Variants in ADTRP observed in about 807,000 individuals in gnomAD.
ADTRP encodes the protein androgen dependent TFPI regulating protein, also known as androgen-dependent TFPI-regulating protein.
In ADTRP, 20 loss-of-function variants were observed where a neutral mutation model predicts 27.0. The observed-to-expected ratio is 0.74, with a 90% CI of 0.52 to 1.08. The LOEUF is 1.08. ADTRP is among the 50% of genes least tolerant of loss of function. The probability of loss-of-function intolerance (pLI) is 0.00; values close to 1 mark genes in which losing one functional copy is unlikely to be tolerated. For missense variants in ADTRP, 251 were observed against 275.0 expected (o/e 0.91, Z 0.62); for synonymous variants, 101 against 105.2 (o/e 0.96, Z 0.25).
At chr6:11,778,493 G>T in intron 1 of ADTRP, 114 bp downstream of exon 1, 1 of 1,366,150 alleles carries the variant, frequency 7.3e-7, no homozygotes, top group Non-Finnish European at 9.8e-7. Context: ...AAACGGTGAA[G>T]AAGGAAGACA....
intron 4 of ADTRP, among the ~76,000 whole-genome samples, chr6:11,723,828 G>C (rs546059626): frequency 3.3e-4 from 50 of 152,298 alleles, no homozygotes; most frequent in African/African-American, 1.1e-3. Flanking sequence ...GGAGGCTGAG[G>C]GGGGTGGATC....
intron 4 of ADTRP, among the ~76,000 whole-genome samples, chr6:11,733,931 A>G (rs1018259088): frequency 3.9e-5 from 6 of 152,244 alleles, no homozygotes; most frequent in Admixed American, 3.9e-4. Context: ...CAAAAAGGAA[A>G]AGAAAAACAA....
chr6:11,737,246 T>C (rs1007844633), intron 3 of ADTRP, among the ~76,000 whole-genome samples: 3 of 152,112 alleles, frequency 2.0e-5, no homozygotes, highest in Admixed American at 2.0e-4. Context: ...CCAGCTATCA[T>C]TCCTCCTTCA....
At chr6:11,758,684 G>T (rs985385083) in intron 3 of ADTRP, among the ~76,000 whole-genome samples, 8 of 150,998 alleles carry the variant, frequency 5.3e-5, no homozygotes, top group African/African-American at 1.9e-4. Flanking sequence ...TAACCTGCAC[G>T]TTGTGCACAT....
chr6:11,732,322 G>A (rs1407163088), intron 4 of ADTRP, among the ~76,000 whole-genome samples: 4 of 152,156 alleles, frequency 2.6e-5, no homozygotes, highest in African/African-American at 7.2e-5. Context: ...CCTCTGGCCC[G>A]AGCCCATGCT....
At chr6:11,714,936 T>C (rs1761765406) in intron 5 of ADTRP, among the ~76,000 whole-genome samples, 1 of 152,232 alleles carries the variant, frequency 6.6e-6, no homozygotes, top group African/African-American at 2.4e-5. Context: ...GGTCATTCTG[T>C]GACCTCTTAG....
At chr6:11,765,279 G>T (rs538568214) in intron 3 of ADTRP, among the ~76,000 whole-genome samples, 1 of 150,786 alleles carries the variant, frequency 6.6e-6, no homozygotes, top group African/African-American at 2.4e-5. Context: ...GTGAACTTTT[G>T]AGGAGTCTTG....
chr6:11,744,039 G>A (rs1362356752), intron 3 of ADTRP, among the ~76,000 whole-genome samples: 2 of 152,168 alleles, frequency 1.3e-5, no homozygotes, highest in African/African-American at 2.4e-5. Context: ...CCCAGTGGGA[G>A]GTGCTTGGGC....
chr6:11,772,905 T>C (rs1763830534), intron 1 of ADTRP, among the ~76,000 whole-genome samples: 1 of 152,094 alleles, frequency 6.6e-6, no homozygotes, highest in Non-Finnish European at 1.5e-5. Flanking sequence ...TTTGGAATAA[T>C]GAAGAGAAAA....
intron 1 of ADTRP, among the ~76,000 whole-genome samples, chr6:11,776,321 C>T (rs767013402): frequency 6.6e-6 from 1 of 152,142 alleles, no homozygotes; most frequent in Non-Finnish European, 1.5e-5. Context: ...GTCACGTCAA[C>T]GTACCAAGTC....
intron 4 of ADTRP, among the ~76,000 whole-genome samples, chr6:11,731,735 CTTCCTT>C (rs1415794621): frequency 6.6e-6 from 1 of 150,656 alleles, no homozygotes; most frequent in Non-Finnish European, 1.5e-5. Flanking sequence ...GATGCAAACT[CTTCCTT>C]TTCTGTGGCT....
intron 1 of ADTRP, chr6:11,770,160 G>A (rs1763722576): frequency 1.5e-6 from 2 of 1,365,058 alleles, no homozygotes; most frequent in Admixed American, 4.0e-5. Flanking sequence ...GAGGTCAGAA[G>A]AGAGACAATT....
At chr6:11,764,799 A>G (rs1183528201) in intron 3 of ADTRP, among the ~76,000 whole-genome samples, 1 of 151,868 alleles carries the variant, frequency 6.6e-6, no homozygotes, top group African/African-American at 2.4e-5. Flanking sequence ...CATTTGTAAA[A>G]ATCAGGATTA....
intron 3 of ADTRP, among the ~76,000 whole-genome samples, chr6:11,752,564 T>C (rs1347930519): frequency 6.6e-6 from 1 of 152,210 alleles, no homozygotes; most frequent in Non-Finnish European, 1.5e-5. Context: ...GGGTGATTCA[T>C]GGGAGCTCAC....
Position 11,735,588 on chromosome 6 carries a change from G to C in ADTRP, c.486C>G (p.Ala162=). 5 of 1,613,602 alleles carry C rather than the reference G, an allele frequency of 3.1e-6. No homozygotes were observed. The highest frequency in any genetic ancestry group is 4.2e-6 in the Non-Finnish European group (5 of 1,179,582). ...CTTACCGGCTGATGTAAGCAATGCTGGCAGCAGCCAGCAAGGTGAGTCCTG... is the reference window on the plus strand; with the variant it reads ...CTTACCGGCTGATGTAAGCAATGCTCGCAGCAGCCAGCAAGGTGAGTCCTG... The part of the protein sequence containing the change: ...KKTGLTLLAA[A]SIAYISRILW... Residue 162 remains alanine, a synonymous_variant, in exon 4 of 6, where the codon GCC becomes GCG. Transcript: ENST00000414691.
At chr6:11,771,758 G>A (rs569416297) in intron 1 of ADTRP, among the ~76,000 whole-genome samples, 1 of 152,266 alleles carries the variant, frequency 6.6e-6, no homozygotes, top group African/African-American at 2.4e-5. Flanking sequence ...AGGTCACGAT[G>A]GTGCACCCTA....
At chr6:11,733,329 C>T (rs1762445998) in intron 4 of ADTRP, among the ~76,000 whole-genome samples, 2 of 152,232 alleles carry the variant, frequency 1.3e-5, no homozygotes, top group South Asian at 4.1e-4. Flanking sequence ...CACTTTTCTA[C>T]AGAAAAGCAC....
chr6:11,734,994 A>G (rs1045959797), intron 4 of ADTRP, among the ~76,000 whole-genome samples: 2 of 150,908 alleles, frequency 1.3e-5, no homozygotes, highest in Non-Finnish European at 1.5e-5. Context: ...ATTATAGACT[A>G]TTGGGCAGCG....
chr6:11,766,257 A>G lies in ADTRP; in HGVS notation c.390+17T>C, dbSNP rs753098325. 3.8e-6 allele frequency: 6 copies of G among 1,586,016 alleles called. No homozygotes were observed. In the East Asian group the frequency reaches 9.0e-5, roughly 24 times the overall value. ...GCTATTGGTGTTCTGAGTTCACTGA[A>G]TTTTCCCCTCACTCACCATTGCATG... is the stretch of plus-strand genomic sequence containing the variant. On this transcript the variant is annotated intron_variant, in intron 3 of 5. Transcript: ENST00000414691.
Sources: gnomAD v4.1 joint callset for allele counts (sites outside exome capture counted in the v4.1 genomes callset) on GRCh38, gnomAD v4.1.1 for gene constraint, MANE v1.5 for transcripts, NCBI Gene and HGNC (gene_info 2026-07-23, HGNC 2026-07-21) for gene names.